The following PMP22 variants were observed in gnomAD, a reference collection of about 807,000 sequenced individuals.
The protein encoded by PMP22 is Charcot-Marie-Tooth neuropathy 1A (greatly reduced nerve conduction velocity, hereditary motor sensory neuropathy Ia).
In PMP22, 2 loss-of-function variants were observed where a neutral mutation model predicts 18.9. The observed-to-expected ratio is 0.11, with a 90% confidence interval of 0.04 to 0.33. PMP22 has a LOEUF of 0.33. Among genes scored for constraint, PMP22 ranks in the 10% least tolerant of loss-of-function variants. PMP22 has a pLI of 1.00. For missense variants in PMP22, 169 were observed against 202.2 expected, an observed-to-expected ratio of 0.84 and a Z score of 1.00; for synonymous variants, 95 against 89.2, an observed-to-expected ratio of 1.07 and a Z score of -0.37.
At chr17:15,241,503 A>G (rs1393708166) in intron 3 of PMP22, among the ~76,000 whole-genome samples, 4 of 152,134 alleles carry the variant, frequency 2.6e-5, no homozygotes, top group Non-Finnish European at 5.9e-5. Flanking sequence ...GGTGGAGACA[A>G]TATCTTAGAT....
At chr17:15,245,930 G>A (rs777188006) in intron 3 of PMP22, among the ~76,000 whole-genome samples, 6 of 151,770 alleles carry the variant, frequency 4.0e-5, no homozygotes, top group Non-Finnish European at 7.4e-5. Flanking sequence ...GGAGAATGGC[G>A]TGAACCCTGG....
chr17:15,246,239 G>A (rs989076257), intron 3 of PMP22, among the ~76,000 whole-genome samples: 4 of 152,186 alleles, frequency 2.6e-5, no homozygotes, highest in African/African-American at 9.7e-5. Context: ...AGGCTTTGCA[G>A]GTCATACGGT....
At chr17:15,239,156 T>C (rs1411705237) in intron 4 of PMP22, among the ~76,000 whole-genome samples, 2 of 152,222 alleles carry the variant, frequency 1.3e-5, no homozygotes, top group African/African-American at 4.8e-5. Flanking sequence ...TCACCTCTGA[T>C]TATGTGTCCA....
intron 4 of PMP22, among the ~76,000 whole-genome samples, chr17:15,233,581 G>C (rs911482818): frequency 1.3e-5 from 2 of 152,194 alleles, no homozygotes; most frequent in Non-Finnish European, 2.9e-5. Flanking sequence ...GTAGCTGAGG[G>C]AATTCCCAGT....
chr17:15,241,865 G>C (rs1420530062), intron 3 of PMP22, among the ~76,000 whole-genome samples: 1 of 152,160 alleles, frequency 6.6e-6, no homozygotes, highest in African/African-American at 2.4e-5. Context: ...TGATGATCCA[G>C]AGATGAAGAA....
intron 3 of PMP22, among the ~76,000 whole-genome samples, chr17:15,256,113 A>T (rs1210102824): frequency 6.6e-6 from 1 of 152,210 alleles, no homozygotes; most frequent in African/African-American, 2.4e-5. Flanking sequence ...GAAAAACGAG[A>T]AGGCAGGCGG....
chr17:15,248,632 GAA>G (rs1908045405), intron 3 of PMP22, among the ~76,000 whole-genome samples: 1 of 152,110 alleles, frequency 6.6e-6, no homozygotes, highest in African/African-American at 2.4e-5. Flanking sequence ...GAAAACTCTA[GAA>G]ACAGGGAAAC....
rs901069871 is a variant in PMP22, at chr17:15,230,048, T to G, written c.*869A>C. The G allele has an allele frequency of 6.6e-6, 1 of 152,624 alleles. No homozygotes were observed. The highest frequency in any genetic ancestry group is 2.4e-5 in the African/African-American group (1 of 41,448). The allele number at this position is 152,624 out of a possible 1,614,324, so 9.5% of individuals were successfully genotyped here. A position where few individuals can be genotyped will look rare whatever the true frequency, so the allele number is the denominator to read the frequency against. ...GACCGTAAGAAAAATGTGGGAGTGATGAAGGCTTTATGATTTACTCATTAT... is the reference window on the plus strand; with the variant it reads ...GACCGTAAGAAAAATGTGGGAGTGAGGAAGGCTTTATGATTTACTCATTAT... On this transcript the variant is annotated 3_prime_UTR_variant, in exon 5 of 5. Transcript: ENST00000312280.
intron 2 of PMP22, 43 bp downstream of exon 2, chr17:15,260,607 G>C: frequency 4.0e-6 from 6 of 1,501,624 alleles, no homozygotes; most frequent in Non-Finnish European, 4.5e-6. Flanking sequence ...ACCCAGATGG[G>C]GAAGGGCGGG....
At chr17:15,246,460 C>T (rs1013815304) in intron 3 of PMP22, among the ~76,000 whole-genome samples, 1 of 152,174 alleles carries the variant, frequency 6.6e-6, no homozygotes, top group Non-Finnish European at 1.5e-5. Flanking sequence ...AATAATGATT[C>T]GAGTTCAGAG....
chr17:15,253,603 T>C (rs231027), intron 3 of PMP22, among the ~76,000 whole-genome samples: 68,830 of 151,476 alleles, frequency 0.45, 16,117 homozygotes, highest in Middle Eastern at 0.53. Flanking sequence ...ACCCAACTCC[T>C]TCCTAGTGGG....
Position 15,231,070 on chromosome 17 carries a change from C to A in PMP22, c.330G>T (p.Val110=). ...GIFQILAGLC[V]MSAAAIYTVR... is the part of the protein sequence containing the mutation. ...CCGTGTAGATGGCCGCAGCACTCAT[C>A]ACGCACAGACCTGGGGAAGGAGAGG... is the stretch of plus-strand genomic sequence containing the variant. Residue 110 remains valine (V), a synonymous_variant, in exon 5 of 5, where the codon GTG becomes GTT. Coordinates refer to ENST00000312280, the MANE Select transcript of PMP22 (RefSeq NM_000304.4). The A allele has an allele frequency of 6.2e-7, 1 of 1,613,482 alleles. No individual in the cohort carries two copies. Among genetic ancestry groups the A allele is most frequent in the South Asian group, 1.1e-5 (1 of 91,050 alleles).
intron 4 of PMP22, chr17:15,232,265 C>T (rs1906425150): frequency 6.6e-6 from 1 of 152,226 alleles, no homozygotes; most frequent in Admixed American, 6.6e-5. Context: ...GCCTGTCCTC[C>T]TGCAACTCAG....
chr17:15,233,374 T>A (rs1034169504), intron 4 of PMP22, among the ~76,000 whole-genome samples: 1 of 152,232 alleles, frequency 6.6e-6, no homozygotes, highest in African/African-American at 2.4e-5. Context: ...ACAATACAAA[T>A]GTGCTGAGCA....
rs1454644380 is a variant in PMP22, at chr17:15,232,709, C to G, written c.320-1629G>C. 11 of 152,218 alleles carry G rather than the reference C, an allele frequency of 7.2e-5. No homozygotes were observed. In the East Asian group the frequency reaches 2.1e-3, roughly 29 times the overall value. The allele number at this position is 152,218 out of a possible 1,614,324, so 9.4% of individuals were successfully genotyped here. On this transcript the variant is annotated intron_variant, in intron 4 of 4. Coordinates refer to ENST00000312280, the MANE Select transcript of PMP22 (RefSeq NM_000304.4). ...CTTATCATCATGCAGGCAGGGCTCC[C>G]AAATGGGCTGTCTAACCAGATCTGG...
chr17:15,246,014 C>CG (rs1451842550), intron 3 of PMP22, among the ~76,000 whole-genome samples: 1 of 127,254 alleles, frequency 7.9e-6, no homozygotes, highest in Non-Finnish European at 1.6e-5. Flanking sequence ...GAGCAAGACT[C>CG]GTCTCAAAAA....
At chr17:15,240,405 ATTT>A (rs59646634) in intron 3 of PMP22, among the ~76,000 whole-genome samples, 2,677 of 121,382 alleles carry the variant, frequency 0.022, 97 homozygotes, top group African/African-American at 0.076. Context: ...GACAACCCGT[ATTT>A]TTTTTTTTTT....
At position 15,261,055 on chromosome 17, in the gene PMP22, G is replaced by C. The variant is rs2286517; in HGVS notation, c.-34-294C>G. On this transcript the variant is annotated intron_variant, in intron 1 of 4. Transcript: ENST00000312280. This position sits in a 1 kb window ranked among gnomAD's most constrained non-coding sequence, Gnocchi z 5.2. ...CACGTCTAAAACCACCCAGGGAACG[G>C]AGGGGTTTCCAGAAAATATGAGCAG... 15,722 of 188,252 alleles carry C rather than the reference G, an allele frequency of 0.084. 822 individuals carry two copies. The highest frequency in any genetic ancestry group is 0.11 in the Non-Finnish European group (10,342 of 94,046). 11.7% of individuals were successfully genotyped at this position (188,252 alleles called of 1,614,324 possible). A position where few individuals can be genotyped will look rare whatever the true frequency, so the allele number is the denominator to read the frequency against.
chr17:15,252,860 C>T (rs558364872), intron 3 of PMP22, among the ~76,000 whole-genome samples: 256 of 152,278 alleles, frequency 1.7e-3, no homozygotes, highest in Middle Eastern at 0.01. Flanking sequence ...GGGGCCAGGG[C>T]AAGCCAGGAC....
Sources: allele counts gnomAD v4.1 joint callset (sites outside exome capture counted in the v4.1 genomes callset), GRCh38; gene constraint gnomAD v4.1.1; non-coding constraint Gnocchi (gnomAD v3.1); transcripts MANE v1.5; gene names NCBI Gene and HGNC (gene_info 2026-07-23, HGNC 2026-07-21).